MUC4: variants seen among roughly 807,000 people sequenced by gnomAD.
The protein encoded by MUC4 is mucin-4.
A neutral mutation model predicts 257.9 loss-of-function variants in MUC4; 202 were observed. The observed-to-expected ratio is 0.78, with a 90% CI of 0.70 to 0.88. The LOEUF is 0.88. Among genes scored for constraint, MUC4 ranks in the 40% least tolerant of loss-of-function variants. The pLI is 0.00. For missense variants in MUC4, 5,976 were observed against 6,513.7 expected, an observed-to-expected ratio of 0.92 and a Z score of 2.84; for synonymous variants, 2,351 against 2,757.1, an observed-to-expected ratio of 0.85 and a Z score of 4.62.
chr3:195,751,371 G>C lies in MUC4; in HGVS notation c.15583-100C>G, dbSNP rs1306952783. 8 of 943,936 alleles carry C rather than the reference G, an allele frequency of 8.5e-6. No homozygotes were observed. In the South Asian group the frequency reaches 9.8e-5, roughly 12 times the overall value. The allele number at this position is 943,936 out of a possible 1,614,324, so 58.5% of individuals were successfully genotyped here. A position where few individuals can be genotyped will look rare whatever the true frequency, so the allele number is the denominator to read the frequency against. ...GTGTATTCATCCCTGTTTCCTCCTG[G>C]AACGGGAGCCCCAGGACCCCAGCAC... On this transcript the variant is annotated intron_variant, in intron 21 of 24. Transcript: ENST00000463781.
intron 24 of MUC4, among the ~76,000 whole-genome samples, chr3:195,748,354 A>C (rs1332430280): frequency 1.3e-5 from 2 of 152,288 alleles, no homozygotes; most frequent in Non-Finnish European, 2.9e-5. Flanking sequence ...ACCTGAGGTC[A>C]GGAGTTCGAG....
Position 195,778,844 on chromosome 3 carries a change from C to T in MUC4, c.12736G>A (p.Ala4246Thr), listed in dbSNP as rs757461467. ...GAGGATACTGTGGAAGCTGAGGTAG[C>T]ACTGCTGACAGCAAGAGGGGTGGCG... ...GHATPLAVSS[A>T]TSASTVSSDS... Residue 4246 changes from alanine to threonine, a missense_variant, in exon 2 of 25, where the codon GCT (alanine) becomes ACT (threonine). Around this residue, in one of 44 missense-constraint regions of MUC4, gnomAD observed 233 missense variants for 171.2 expected, o/e 1.36. Transcript: ENST00000463781. The T allele has an allele frequency of 1.9e-6, 3 of 1,611,126 alleles. No homozygotes were observed. Among genetic ancestry groups the T allele is most frequent in the Admixed American group, 3.3e-5 (2 of 59,768 alleles).
rs114191567 is a variant in MUC4, at chr3:195,806,181, C to T, written c.82+5555G>A. Among the ~76,000 whole-genome samples, 517 of 152,270 alleles carry T rather than the reference C, an allele frequency of 3.4e-3. 1 individual carries two copies. The highest frequency in any genetic ancestry group is 4.2e-3 in the Non-Finnish European group (284 of 68,016). ...ATTCCACAGCTTGCAAAGCCCTGCGCGATCTAACACCTGCCTTCTCTTTCA... is the reference window on the plus strand; with the variant it reads ...ATTCCACAGCTTGCAAAGCCCTGCGTGATCTAACACCTGCCTTCTCTTTCA... On this transcript the variant is annotated intron_variant, in intron 1 of 24. Coordinates refer to ENST00000463781, the MANE Select transcript of MUC4 (RefSeq NM_018406.7).
At chr3:195,772,031 G>A (rs1722992742) in intron 4 of MUC4, among the ~76,000 whole-genome samples, 2 of 152,146 alleles carry the variant, frequency 1.3e-5, no homozygotes, top group African/African-American at 4.8e-5. Flanking sequence ...TTGCGTCCTC[G>A]GGTGGTAGGC....
At chr3:195,768,507 C>G (rs1370661886) in intron 7 of MUC4, among the ~76,000 whole-genome samples, 1 of 152,214 alleles carries the variant, frequency 6.6e-6, no homozygotes, top group African/African-American at 2.4e-5. Context: ...GTCAGGAAGG[C>G]AGATTCTAGC....
Position 195,779,623 on chromosome 3 carries a change from G to T in MUC4, c.11957C>A (p.Pro3986His), listed in dbSNP as rs879701803. Reference sequence around the variant, plus strand: ...GGATACTGAGGAAGTGTCGGTGACAGGAAGGGGGGTGGCGTGACCTGTGGA... The same window carrying T: ...GGATACTGAGGAAGTGTCGGTGACATGAAGGGGGGTGGCGTGACCTGTGGA... Reference protein sequence around the residue: ...SASTGHATPLPVTDTSSVSTG... With the variant: ...SASTGHATPLHVTDTSSVSTG... Residue 3986 changes from proline to histidine, a missense_variant, in exon 2 of 25, where the codon CCT becomes CAT. Pro to His is a moderately conservative substitution (Grantham distance 77). Transcript: ENST00000463781. 0.025 allele frequency: 23,034 copies of T among 918,868 alleles called. 3,944 individuals are homozygous for T. Among genetic ancestry groups the T allele is most frequent in the Middle Eastern group, 0.041 (94 of 2,310 alleles). The allele number at this position is 918,868 out of a possible 1,614,324, so 56.9% of individuals were successfully genotyped here.
chr3:195,753,016 G>C (rs760685205), intron 20 of MUC4, 35 bp downstream of exon 20: 2 of 1,586,686 alleles, frequency 1.3e-6, no homozygotes, highest in Non-Finnish European at 1.7e-6. Flanking sequence ...CCCAGGAAGA[G>C]TGCGGGGGTG....
Position 195,784,343 on chromosome 3 carries a change from G to C in MUC4, c.7237C>G (p.His2413Asp), listed in dbSNP as rs202190300. 2.7e-3 allele frequency: 3,918 copies of C among 1,441,916 alleles called. 582 individuals are homozygous for C. Among genetic ancestry groups the C allele is most frequent in the Middle Eastern group, 0.015 (64 of 4,296 alleles). 89.3% of individuals were successfully genotyped at this position (1,441,916 alleles called of 1,614,324 possible). The change falls in exon 2 of 25, where the codon CAC (histidine) becomes GAC (aspartate). Residue 2413 changes from histidine (H) to aspartate (D), a missense_variant. Physicochemically the swap from His to Asp is moderately conservative, Grantham distance 81. Transcript: ENST00000463781. ...CCGGTGACAGGAAGATGGGTGGCGT[G>C]ACCTGTGGATGCTGAGGAAGTGTCG... ...VTDTSSASTG[H>D]ATHLPVTGLS...
In MUC4 at chr3:195,789,919, G is replaced by A; in HGVS notation, c.1661C>T (p.Thr554Ile). The A allele has an allele frequency of 1.2e-6, 2 of 1,614,010 alleles. No individual in the cohort carries two copies. Among genetic ancestry groups the A allele is most frequent in the Non-Finnish European group, 1.7e-6 (2 of 1,179,892 alleles). ...GCCTGCCCCTGTTGTTTTTGGGAGA[G>A]TTGTGCTGTGGGAGGAGTATGTGGT... ...EPTTYSSHST[T>I]LPKTTGAGAQ... Residue 554 changes from threonine (T) to isoleucine (I), a missense_variant, in exon 2 of 25, where the codon ACT becomes ATT. Physicochemically the swap from Thr to Ile is moderately conservative, Grantham distance 89. Transcript: ENST00000463781.
At chr3:195,750,662 C>T (rs1480067646) in intron 23 of MUC4, 4 of 582,714 alleles carry the variant, frequency 6.9e-6, no homozygotes, top group Non-Finnish European at 1.2e-5. Context: ...GTCAGCAAGG[C>T]CCTGGCTGGG....
chr3:195,763,077 G>A (rs988770502), intron 12 of MUC4, 132 bp from the exon 13 acceptor site: 102 of 757,414 alleles, frequency 1.3e-4, no homozygotes, highest in Non-Finnish European at 2.1e-4. Flanking sequence ...GCCGCGGCCT[G>A]AGGTGATGCC....
At chr3:195,754,854 C>A (rs930626389) in intron 18 of MUC4, among the ~76,000 whole-genome samples, 5 of 150,266 alleles carry the variant, frequency 3.3e-5, no homozygotes, top group African/African-American at 1.2e-4. Context: ...TGTATGTATC[C>A]ATGTAGATAT....
At position 195,779,984 on chromosome 3, in the gene MUC4, ATGC is replaced by A; in HGVS notation, c.11593_11595del (p.Ala3865del). 1 of 1,442,540 alleles carries A rather than the reference ATGC, an allele frequency of 6.9e-7. No individual in the cohort carries two copies. The highest frequency in any genetic ancestry group is 9.2e-7 in the Non-Finnish European group (1 of 1,087,894). 89.4% of individuals were successfully genotyped at this position (1,442,540 alleles called of 1,614,324 possible). ...GGAAGAGGGGTGGCGTGACCTGTGG[ATGC>A]TGAGGAAGGGCTAGTGACAGGAAGA... On this transcript the variant is annotated inframe_deletion, in exon 2 of 25. Transcript: ENST00000463781.
intron 1 of MUC4, among the ~76,000 whole-genome samples, chr3:195,791,932 A>G (rs1330703321): frequency 6.6e-6 from 1 of 152,264 alleles, no homozygotes; most frequent in Non-Finnish European, 1.5e-5. Context: ...CTGGTTAGCC[A>G]TATGCAGAAA....
chr3:195,783,104 AC>A lies in MUC4; in HGVS notation c.8475del (p.Phe2826SerfsTer178). The A allele has an allele frequency of 3.2e-6, 4 of 1,240,726 alleles. 1 individual carries two copies. Among genetic ancestry groups the A allele is most frequent in the Non-Finnish European group, 4.3e-6 (4 of 938,078 alleles). The allele number at this position is 1,240,726 out of a possible 1,614,324, so 76.9% of individuals were successfully genotyped here. ...GGAAGAGAGGTGGCATGACCTGTGA[AC>A]ACTGAGGAAGCGTCGGTGACAGGAA... ...TSLPVTDASSVFTGHATSLPV... is the reference protein window; with the variant it reads ...TSLPVTDASSXFTGHATSLPV... On this transcript the variant is annotated frameshift_variant, in exon 2 of 25. Coordinates refer to ENST00000463781, the MANE Select transcript of MUC4 (RefSeq NM_018406.7). LOFTEE classifies it high-confidence loss of function.
chr3:195,779,342 T>C lies in MUC4; in HGVS notation c.12238A>G (p.Thr4080Ala). ...GAGGAAGCATCGGTGACAGGAAGAG[T>C]GCTGGTGTCACCTCTGGATGCTGAG... Reference protein sequence around the residue: ...PSSASRGDTSTLPVTDASSAS... With the variant: ...PSSASRGDTSALPVTDASSAS... The change falls in exon 2 of 25, where the codon ACT (threonine) becomes GCT (alanine). Residue 4080 changes from threonine to alanine, a missense_variant. Physicochemically the swap from Thr to Ala is moderately conservative, Grantham distance 58 (BLOSUM62 0). Transcript: ENST00000463781. 7 of 881,676 alleles carry C rather than the reference T, an allele frequency of 7.9e-6. 2 individuals carry two copies. Among genetic ancestry groups the C allele is most frequent in the Non-Finnish European group, 1.0e-5 (7 of 690,648 alleles). 54.6% of individuals were successfully genotyped at this position (881,676 alleles called of 1,614,324 possible). A position where few individuals can be genotyped will look rare whatever the true frequency, so the allele number is the denominator to read the frequency against.
Position 195,747,173 on chromosome 3 carries a change from C to A in MUC4, c.*3G>T, listed in dbSNP as rs1217189377. Reference sequence around the variant, plus strand: ...TGAGGTAGCCTAGGCCACAGCTGCCCCTTCAAGGCAAGGCCTCAGCTGAGT... The same window carrying A: ...TGAGGTAGCCTAGGCCACAGCTGCCACTTCAAGGCAAGGCCTCAGCTGAGT... On this transcript the variant is annotated 3_prime_UTR_variant, in exon 25 of 25. Coordinates refer to ENST00000463781, the MANE Select transcript of MUC4 (RefSeq NM_018406.7). 6.2e-7 allele frequency: 1 copy of A among 1,614,246 alleles called. No individual in the cohort carries two copies. The highest frequency in any genetic ancestry group is 1.1e-5 in the South Asian group (1 of 91,084).
chr3:195,778,520 T>A, intron 2 of MUC4, 65 bp from the exon 3 acceptor site: 1 of 1,582,512 alleles, frequency 6.3e-7, no homozygotes, highest in Non-Finnish European at 8.6e-7. Flanking sequence ...GTCAAAGAGA[T>A]TCAAAGAAAT....
intron 2 of MUC4, 141 bp downstream of exon 2, chr3:195,778,649 C>A (rs1016186637): frequency 2.1e-5 from 26 of 1,247,656 alleles, no homozygotes; most frequent in Non-Finnish European, 2.8e-5. Flanking sequence ...TCACCCACCA[C>A]ACCCATCACC....
Sources: gnomAD v4.1 joint callset for allele counts (sites outside exome capture counted in the v4.1 genomes callset) on GRCh38, gnomAD v4.1.1 for gene constraint, gnomAD v4.1.1 regional missense constraint, MANE v1.5 for transcripts, NCBI Gene and HGNC (gene_info 2026-07-23, HGNC 2026-07-21) for gene names.